The following NAB1 variants were observed in gnomAD, a reference collection of about 807,000 sequenced individuals.
The protein encoded by NAB1 is NGFI-A binding protein 1.
NAB1 carries 25 observed loss-of-function variants against 49.9 expected under a neutral mutation model. The observed-to-expected ratio is 0.50, with a 90% CI of 0.37 to 0.70. The LOEUF is 0.70. Ranked by LOEUF, NAB1 falls within the 30% of genes least tolerant of loss-of-function variation. The probability of loss-of-function intolerance (pLI) is 0.00; values close to 1 mark genes in which losing one functional copy is unlikely to be tolerated. For synonymous variants in NAB1, 198 were observed against 215.6 expected, an observed-to-expected ratio of 0.92 and a Z score of 0.71; for missense variants, 489 against 575.9, an observed-to-expected ratio of 0.85 and a Z score of 1.54.
chr2:190,682,405 G>T lies in NAB1; in HGVS notation c.1006-1333G>T, dbSNP rs1460071712. ...GCTAGTGAGTGGTGACAGGCCTTTCGAATTCCAAAGCTCCATTTCCTGTCA... is the reference window on the plus strand; with the variant it reads ...GCTAGTGAGTGGTGACAGGCCTTTCTAATTCCAAAGCTCCATTTCCTGTCA... On this transcript the variant is annotated intron_variant, in intron 6 of 9. Coordinates refer to ENST00000337386, the MANE Select transcript of NAB1 (RefSeq NM_005966.4). The surrounding 1 kb of genome is among the most constrained non-coding windows in gnomAD (Gnocchi z 4.1). Among the ~76,000 whole-genome samples the T allele has an allele frequency of 1.3e-5, 2 of 152,218 alleles. No homozygotes were observed. The highest frequency in any genetic ancestry group is 1.3e-4 in the Admixed American group (2 of 15,286).
rs1693647362 is a variant in NAB1, at chr2:190,651,150, A to G, written c.-197+1168A>G. Among the ~76,000 whole-genome samples, 1 of 152,258 alleles carries G rather than the reference A, an allele frequency of 6.6e-6. No individual in the cohort carries two copies. The highest frequency in any genetic ancestry group is 6.5e-5 in the Admixed American group (1 of 15,292). ...CCTGCTAATTATGGATGTAATTCAA[A>G]TGACAGAAATTCTTAGGATTACTAT... On this transcript the variant is annotated intron_variant, in intron 2 of 9. Coordinates refer to ENST00000337386, the MANE Select transcript of NAB1 (RefSeq NM_005966.4). This position sits in a 1 kb window ranked among gnomAD's most constrained non-coding sequence, Gnocchi z 4.3.
intron 2 of NAB1, among the ~76,000 whole-genome samples, chr2:190,655,773 G>T (rs1343369149): frequency 6.6e-6 from 1 of 152,188 alleles, no homozygotes; most frequent in African/African-American, 2.4e-5. Context: ...TTGTGGGCCA[G>T]ACTAGCTCCC....
At chr2:190,672,641 T>A (rs1694870742) in intron 5 of NAB1, among the ~76,000 whole-genome samples, 1 of 152,160 alleles carries the variant, frequency 6.6e-6, no homozygotes, top group South Asian at 2.1e-4. Flanking sequence ...AGGGATATCC[T>A]CCTTGATTTT....
rs889853224 is a variant in NAB1 at position 190,657,812 on chromosome 2, C to G, written c.-19-1346C>G. ...ACAAAAGTCCCAAGTTCAGTGACTT[C>G]TTGGCTTTCAGGGACGTCCCAGTTA... On this transcript the variant is annotated intron_variant, in intron 3 of 9. Coordinates refer to ENST00000337386, the MANE Select transcript of NAB1 (RefSeq NM_005966.4). This position sits in a 1 kb window ranked among gnomAD's most constrained non-coding sequence, Gnocchi z 4.4. 1.4e-4 allele frequency among the ~76,000 whole-genome samples: 22 copies of G among 152,174 alleles called. No individual in the cohort carries two copies. The highest frequency in any genetic ancestry group is 1.2e-4 in the Non-Finnish European group (8 of 68,042).
rs192776471 is a variant in NAB1 at position 190,692,037 on chromosome 2, C to T, written c.*1704C>T. 2 of 152,662 alleles carry T rather than the reference C, an allele frequency of 1.3e-5. No homozygotes were observed. The highest frequency in any genetic ancestry group is 1.9e-4 in the East Asian group (1 of 5,188). 9.5% of individuals were successfully genotyped at this position (152,662 alleles called of 1,614,324 possible). A position where few individuals can be genotyped will look rare whatever the true frequency, so the allele number is the denominator to read the frequency against. On this transcript the variant is annotated 3_prime_UTR_variant, in exon 10 of 10. Transcript: ENST00000337386. The surrounding 1 kb of genome is among the most constrained non-coding windows in gnomAD (Gnocchi z 5.2). ...CATAGTGTTTTGCTCACTGAAGAAGCTTCTTATGGACCTTGCAACTTTGTT... is the reference window on the plus strand; with the variant it reads ...CATAGTGTTTTGCTCACTGAAGAAGTTTCTTATGGACCTTGCAACTTTGTT...
At chr2:190,658,355 C>T (rs1370570835) in intron 3 of NAB1, among the ~76,000 whole-genome samples, 1 of 152,218 alleles carries the variant, frequency 6.6e-6, no homozygotes, top group Non-Finnish European at 1.5e-5. Flanking sequence ...CCATCATCCT[C>T]ATTTTTCTGT....
chr2:190,664,332 C>T (rs1244047009), intron 4 of NAB1, among the ~76,000 whole-genome samples: 3 of 150,970 alleles, frequency 2.0e-5, no homozygotes, highest in African/African-American at 7.3e-5. Context: ...TAGTCATTGC[C>T]TATTACATCT....
At position 190,675,287 on chromosome 2, in the gene NAB1, T is replaced by C. The variant is rs1266511966; in HGVS notation, c.1005+2135T>C. Among the ~76,000 whole-genome samples, 1 of 152,220 alleles carries C rather than the reference T, an allele frequency of 6.6e-6. No individual in the cohort carries two copies. Among genetic ancestry groups the C allele is most frequent in the Non-Finnish European group, 1.5e-5 (1 of 68,038 alleles). On this transcript the variant is annotated intron_variant, in intron 6 of 9. Transcript: ENST00000337386. The surrounding 1 kb of genome is among the most constrained non-coding windows in gnomAD (Gnocchi z 5.2). Reference sequence around the variant, plus strand: ...AGGCTGCTCACATTTAAGCCACACTTGTCTAGCTTTAGAGGTCACTAAATA... The same window carrying C: ...AGGCTGCTCACATTTAAGCCACACTCGTCTAGCTTTAGAGGTCACTAAATA...
intron 2 of NAB1, among the ~76,000 whole-genome samples, chr2:190,655,174 G>A (rs922119913): frequency 1.3e-5 from 2 of 152,176 alleles, no homozygotes; most frequent in African/African-American, 4.8e-5. Flanking sequence ...CAAAAATTCA[G>A]CTATACTGTT....
chr2:190,689,811 T>G lies in NAB1; in HGVS notation c.1376-434T>G, dbSNP rs1695825281. 6.6e-6 allele frequency among the ~76,000 whole-genome samples: 1 copy of G among 152,056 alleles called. No homozygotes were observed. The highest frequency in any genetic ancestry group is 1.5e-5 in the Non-Finnish European group (1 of 67,962). On this transcript the variant is annotated intron_variant, in intron 9 of 9. Coordinates refer to ENST00000337386, the MANE Select transcript of NAB1 (RefSeq NM_005966.4). The surrounding 1 kb of genome is among the most constrained non-coding windows in gnomAD (Gnocchi z 4.3). ...AATATTTTAACCAGTAACAGTTATTTATGAATAATCAGCTTCCTTTTATAT... is the reference window on the plus strand; with the variant it reads ...AATATTTTAACCAGTAACAGTTATTGATGAATAATCAGCTTCCTTTTATAT...
chr2:190,658,757 C>T (rs1205647554), intron 3 of NAB1, among the ~76,000 whole-genome samples: 1 of 152,214 alleles, frequency 6.6e-6, no homozygotes, highest in South Asian at 2.1e-4. Flanking sequence ...TATTGCCTGG[C>T]ACAAAGTAAG....
Position 190,659,152 on chromosome 2 carries a change from TGGCAGG to T in NAB1, c.-19-5_-19del. ...GAGTTTTTACTTTTTTTTTTTTTTTTGGCAGGTTAAACCCATCCAGAGTAATGGCTG... is the reference window on the plus strand; with the variant it reads ...GAGTTTTTACTTTTTTTTTTTTTTTTTTAAACCCATCCAGAGTAATGGCTG... On this transcript the variant is annotated splice_acceptor_variant and splice_polypyrimidine_tract_variant and 5_prime_UTR_variant and intron_variant, in exon 4 of 10. Coordinates refer to ENST00000337386, the MANE Select transcript of NAB1 (RefSeq NM_005966.4). LOFTEE classifies it low-confidence loss of function (5UTR_SPLICE). The surrounding 1 kb of genome is among the most constrained non-coding windows in gnomAD (Gnocchi z 6.2). The T allele has an allele frequency of 1.3e-6, 2 of 1,490,616 alleles. No individual in the cohort carries two copies. The highest frequency in any genetic ancestry group is 9.0e-7 in the Non-Finnish European group (1 of 1,106,688). The allele number at this position is 1,490,616 out of a possible 1,614,324, so 92.3% of individuals were successfully genotyped here.
chr2:190,664,585 CCTTTT>C (rs1694405459), intron 4 of NAB1, among the ~76,000 whole-genome samples: 5 of 80,094 alleles, frequency 6.2e-5, no homozygotes, highest in African/African-American at 2.2e-4. Context: ...TTTCTTCTTT[CCTTTT>C]TTTTTTTTTT....
chr2:190,690,035 G>A (rs200240264), intron 9 of NAB1, among the ~76,000 whole-genome samples: 7 of 1,866 alleles, frequency 3.8e-3, no homozygotes, highest in Admixed American at 0.01. Flanking sequence ...TATACTATAT[G>A]TATACATCTA....
At chr2:190,687,395 C>CAAAAA (rs60742412) in intron 9 of NAB1, 78 bp downstream of exon 9, 21 of 162,072 alleles carry the variant, frequency 1.3e-4, no homozygotes, top group Middle Eastern at 2.8e-3. Flanking sequence ...CCTCCCCCAT[C>CAAAAA]AAAAAAAAAA....
chr2:190,662,024 T>G (rs1350176896), intron 4 of NAB1, among the ~76,000 whole-genome samples: 1 of 152,230 alleles, frequency 6.6e-6, no homozygotes, highest in Admixed American at 6.5e-5. Flanking sequence ...GCAGAAGTTT[T>G]TTTAGTTCTA....
At position 190,670,410 on chromosome 2, in the gene NAB1, C is replaced by T. The variant is rs1303462081; in HGVS notation, c.904C>T (p.Arg302Ter). 1 of 1,613,864 alleles carries T rather than the reference C, an allele frequency of 6.2e-7. No homozygotes were observed. The highest frequency in any genetic ancestry group is 8.5e-7 in the Non-Finnish European group (1 of 1,179,894). The change falls in exon 5 of 10, where the codon CGA becomes TGA. Residue 302 changes from arginine to a stop codon, truncating the protein, a stop_gained. Coordinates refer to ENST00000337386, the MANE Select transcript of NAB1 (RefSeq NM_005966.4). LOFTEE classifies it high-confidence loss of function. This position sits in a 1 kb window ranked among gnomAD's most constrained non-coding sequence, Gnocchi z 5.3. Reference protein sequence around the residue: ...TRRDELFALARQISREVTYKY... With the variant: ...TRRDELFALA ...AAGAGATGAGCTTTTTGCCTTGGCT[C>T]GACAGATTTCTCGAGAAGTCACCTA...
intron 4 of NAB1, 108 bp downstream of exon 4, chr2:190,660,103 A>G: frequency 1.0e-6 from 1 of 968,474 alleles, no homozygotes; most frequent in Admixed American, 2.5e-5. Context: ...ACCTGAAAGC[A>G]GTATTAAAAA....
chr2:190,673,258 G>C lies in NAB1; in HGVS notation c.1005+106G>C, dbSNP rs1165193357. 4.2e-6 allele frequency: 4 copies of C among 961,848 alleles called. No homozygotes were observed. The African/African-American group carries it at 6.5e-5, about 16-fold the overall frequency. The allele number at this position is 961,848 out of a possible 1,614,324, so 59.6% of individuals were successfully genotyped here. On this transcript the variant is annotated intron_variant, in intron 6 of 9. Transcript: ENST00000337386. ...ACAAAAAAGATGGTCCCATAAACTA[G>C]TGAAAAATGGCTTTCAATAAATCTT...
Sources: gnomAD v4.1 joint callset for allele counts (sites outside exome capture counted in the v4.1 genomes callset) on GRCh38, gnomAD v4.1.1 for gene constraint, Gnocchi (gnomAD v3.1) non-coding constraint, MANE v1.5 for transcripts, NCBI Gene and HGNC (gene_info 2026-07-23, HGNC 2026-07-21) for gene names.